GGCX: variants seen among roughly 807,000 people sequenced by gnomAD.
The protein encoded by GGCX is vitamin K-dependent gamma-carboxylase.
In GGCX, 63 loss-of-function variants were observed where a neutral mutation model predicts 88.5. That is an observed-to-expected ratio of 0.71 (90% confidence interval 0.58 to 0.88). The LOEUF is 0.88. GGCX is among the 40% of genes least tolerant of loss of function. The probability of loss-of-function intolerance (pLI) is 0.00; values close to 1 mark genes in which losing one functional copy is unlikely to be tolerated. For synonymous variants in GGCX, 368 were observed against 365.8 expected, an observed-to-expected ratio of 1.01 and a Z score of -0.07; for missense variants, 805 against 932.9, an observed-to-expected ratio of 0.86 and a Z score of 1.79.
In GGCX at chr2:85,550,733, G is replaced by C. The variant is rs61733105; in HGVS notation, c.1906C>G (p.Pro636Ala). The C allele has an allele frequency of 7.4e-6, 12 of 1,613,810 alleles. No individual in the cohort carries two copies. The highest frequency in any genetic ancestry group is 3.3e-5 in the Admixed American group (2 of 59,994). The stretch of plus-strand genomic sequence containing the variant: ...CCTTCCAACAGAGGCTGCAGCTCTG[G>C]GGGTAGAGGCCCTGTTTCTGCCCGG... Reference protein sequence around the residue: ...ENGSETGPLPPELQPLLEGEV... With the variant: ...ENGSETGPLPAELQPLLEGEV... The change falls in exon 14 of 15, where the codon CCA (proline) becomes GCA (alanine). Residue 636 changes from proline to alanine, a missense_variant. Physicochemically the swap from Pro to Ala is conservative, Grantham distance 27. This residue lies in a region of GGCX where 680 missense variants were observed against 763.7 expected (regional missense o/e 0.89). Coordinates refer to ENST00000233838, the MANE Select transcript of GGCX (RefSeq NM_000821.7).
At position 85,545,879 on chromosome 2, in the gene GGCX, CAG is replaced by C. The variant is rs1285545258; in HGVS notation, c.*4053_*4054del. 6.6e-6 allele frequency: 1 copy of C among 152,160 alleles called. No individual in the cohort carries two copies. Among genetic ancestry groups the C allele is most frequent in the Non-Finnish European group, 1.5e-5 (1 of 68,042 alleles). 9.4% of individuals were successfully genotyped at this position (152,160 alleles called of 1,614,324 possible). On this transcript the variant is annotated 3_prime_UTR_variant, in exon 15 of 15. Transcript: ENST00000233838. The stretch of plus-strand genomic sequence containing the variant: ...AACGTGATTTCTAGTCAATATCTTG[CAG>C]AGATAAATAATGCAAATTAGCTGAA...
rs755262966 is a variant in GGCX, at chr2:85,554,158, G to A, written c.874C>T (p.Gln292Ter). ...AGGTACTGACCAATGCTGAAAAGCTGGGAATTCATGCAGTGGAAGTAGGAC... is the reference window on the plus strand; with the variant it reads ...AGGTACTGACCAATGCTGAAAAGCTAGGAATTCATGCAGTGGAAGTAGGAC... ...FVSYFHCMNS[Q>*]LFSIGMFSYV... Residue 292 changes from glutamine (Q) to a stop codon, truncating the protein, a stop_gained, in exon 7 of 15, where the codon CAG becomes TAG. Transcript: ENST00000233838. LOFTEE classifies it high-confidence loss of function. 6.2e-7 allele frequency: 1 copy of A among 1,612,780 alleles called. No homozygotes were observed. Among genetic ancestry groups the A allele is most frequent in the Non-Finnish European group, 8.5e-7 (1 of 1,178,788 alleles).
rs1368072629 is a variant in GGCX at position 85,545,283 on chromosome 2, GTGTC to G, written c.*4647_*4650del. On this transcript the variant is annotated 3_prime_UTR_variant, in exon 15 of 15. Coordinates refer to ENST00000233838, the MANE Select transcript of GGCX (RefSeq NM_000821.7). ...TAAAATGCTAGGTTCTACCTTAACT[GTGTC>G]TGTTACTCATTTGTTAAAGTGCTTT... 1 of 152,594 alleles carries G rather than the reference GTGTC, an allele frequency of 6.6e-6. No individual in the cohort carries two copies. The highest frequency in any genetic ancestry group is 2.4e-5 in the African/African-American group (1 of 41,420). 9.5% of individuals were successfully genotyped at this position (152,594 alleles called of 1,614,324 possible).
chr2:85,561,320 G>A (rs1210339237), intron 1 of GGCX, 66 bp downstream of exon 1: 11 of 388,528 alleles, frequency 2.8e-5, no homozygotes, highest in Non-Finnish European at 4.6e-5. Context: ...GCGTCCTCCC[G>A]CCCCCGCCCC....
chr2:85,554,106 T>C (rs1692098321), intron 7 of GGCX, 37 bp downstream of exon 7: 3 of 1,552,718 alleles, frequency 1.9e-6, no homozygotes, highest in East Asian at 2.2e-5. Flanking sequence ...CCTGCAAAAC[T>C]GTGGTTCCTG....
chr2:85,545,980 C>T lies in GGCX; in HGVS notation c.*3954G>A, dbSNP rs1447125532. 2.0e-5 allele frequency: 3 copies of T among 152,172 alleles called. No individual in the cohort carries two copies. The highest frequency in any genetic ancestry group is 3.2e-3 in the Middle Eastern group (1 of 316). The allele number at this position is 152,172 out of a possible 1,614,324, so 9.4% of individuals were successfully genotyped here. A position where few individuals can be genotyped will look rare whatever the true frequency, so the allele number is the denominator to read the frequency against. On this transcript the variant is annotated 3_prime_UTR_variant, in exon 15 of 15. Coordinates refer to ENST00000233838, the MANE Select transcript of GGCX (RefSeq NM_000821.7). ...TAGAAAATCCGCAGACCACACTGCTCTTGAACCTAGGAGCTACATGCATAG... is the reference window on the plus strand; with the variant it reads ...TAGAAAATCCGCAGACCACACTGCTTTTGAACCTAGGAGCTACATGCATAG...
rs1691695282 is a variant in GGCX, at chr2:85,546,919, T to TC, written c.*3014dup. The TC allele has an allele frequency of 6.6e-6, 1 of 152,212 alleles. No individual in the cohort carries two copies. Among genetic ancestry groups the TC allele is most frequent in the South Asian group, 2.1e-4 (1 of 4,830 alleles). The allele number at this position is 152,212 out of a possible 1,614,324, so 9.4% of individuals were successfully genotyped here. ...AGGGGAATGAGCATGGATAGGTGCC[T>TC]CCAAGTTGGTAGAATAGCATGAGAA... On this transcript the variant is annotated 3_prime_UTR_variant, in exon 15 of 15. Transcript: ENST00000233838.
chr2:85,555,326 A>C, intron 6 of GGCX, 158 bp downstream of exon 6: 1 of 616,152 alleles, frequency 1.6e-6, no homozygotes, highest in Non-Finnish European at 3.0e-6. Context: ...ATCTTTTGAT[A>C]CCACTGACTC....
In GGCX at chr2:85,553,032, G is replaced by C. The variant is rs1211648661; in HGVS notation, c.1194C>G (p.Ser398=). Reference sequence around the variant, plus strand: ...AGCGGGAGTGCACCATCATGTCCCAGGAATAGCCATACAGCCCATTTGTCC... The same window carrying C: ...AGCGGGAGTGCACCATCATGTCCCACGAATAGCCATACAGCCCATTTGTCC... ...NNWTNGLYGY[S]WDMMVHSRSH... Residue 398 remains serine (S), a synonymous_variant, in exon 9 of 15, where the codon TCC becomes TCG. Transcript: ENST00000233838. 1.2e-6 allele frequency: 2 copies of C among 1,614,118 alleles called. No homozygotes were observed.
intron 14 of GGCX, 76 bp downstream of exon 14, chr2:85,550,479 G>C (rs889111288): frequency 1.6e-5 from 17 of 1,034,576 alleles, no homozygotes; most frequent in Non-Finnish European, 2.1e-5. Context: ...ACAGTCTCTA[G>C]AGTTACTCTC....
chr2:85,559,215 T>TGA, intron 2 of GGCX, 140 bp from the exon 3 acceptor site: 1 of 754,026 alleles, frequency 1.3e-6, no homozygotes, highest in Non-Finnish European at 2.3e-6. Context: ...CAGTATTAAT[T>TGA]ATTGAGTGCC....
At chr2:85,553,577 C>T (rs1039979983) in intron 7 of GGCX, 80 bp from the exon 8 acceptor site, 35 of 1,350,320 alleles carry the variant, frequency 2.6e-5, no homozygotes, top group African/African-American at 4.3e-5. Context: ...AGACTTCTCC[C>T]AGGTGTTCCA....
rs1392320123 is a variant in GGCX, at chr2:85,559,002, C to T, written c.288G>A (p.Leu96=). 2 of 1,613,654 alleles carry T rather than the reference C, an allele frequency of 1.2e-6. No homozygotes were observed. The highest frequency in any genetic ancestry group is 1.1e-5 in the South Asian group (1 of 91,066). ...SSLDRKYLDG[L]DVCRFPLLDA... is the part of the protein sequence containing the mutation. ...CCAGCAAGGGGAAGCGGCACACATCCAGCCCATCAAGGTATTTCCGGTCCA... is the reference window on the plus strand; with the variant it reads ...CCAGCAAGGGGAAGCGGCACACATCTAGCCCATCAAGGTATTTCCGGTCCA... The change falls in exon 3 of 15, where the codon CTG becomes CTA. Residue 96 remains leucine (L), a synonymous_variant. Coordinates refer to ENST00000233838, the MANE Select transcript of GGCX (RefSeq NM_000821.7).
chr2:85,551,239 T>C (rs1336299211), intron 12 of GGCX, among the ~76,000 whole-genome samples, 167 bp from the exon 13 acceptor site: 1 of 152,238 alleles, frequency 6.6e-6, no homozygotes, highest in Non-Finnish European at 1.5e-5. Flanking sequence ...CAGGGGCCCT[T>C]GTTTTTTGAG....
At chr2:85,561,325 C>T in intron 1 of GGCX, 61 bp downstream of exon 1, 2 of 1,138,448 alleles carry the variant, frequency 1.8e-6, no homozygotes, top group African/African-American at 1.5e-5. Flanking sequence ...CTCCCGCCCC[C>T]GCCCCTCTGA....
intron 8 of GGCX, 72 bp from the exon 9 acceptor site, chr2:85,553,142 C>A: frequency 6.2e-7 from 1 of 1,610,150 alleles, no homozygotes; most frequent in Admixed American, 1.7e-5. Context: ...CAAGAAGGGG[C>A]TGCAAAACCA....
At chr2:85,555,135 C>T (rs949232140) in intron 6 of GGCX, 1 of 259,320 alleles carries the variant, frequency 3.9e-6, no homozygotes, top group African/African-American at 2.2e-5. Context: ...ACATCAGCTG[C>T]AGGGCTCTGA....
rs1350817190 is a variant in GGCX, at chr2:85,545,773, A to G, written c.*4161T>C. On this transcript the variant is annotated 3_prime_UTR_variant, in exon 15 of 15. Transcript: ENST00000233838. The stretch of plus-strand genomic sequence containing the variant: ...TGTCTATCTAAAGTCCTGGCAATTT[A>G]AGCCTATTAATCTGCATACATTTTT... 5 of 150,304 alleles carry G rather than the reference A, an allele frequency of 3.3e-5. No individual in the cohort carries two copies. Among genetic ancestry groups the G allele is most frequent in the African/African-American group, 1.3e-4 (5 of 39,614 alleles). The allele number at this position is 150,304 out of a possible 1,614,324, so 9.3% of individuals were successfully genotyped here.
chr2:85,560,090 T>G (rs554852866), intron 2 of GGCX, among the ~76,000 whole-genome samples: 3 of 152,316 alleles, frequency 2.0e-5, no homozygotes, highest in African/African-American at 7.2e-5. Context: ...TGAGAACTAC[T>G]GGGCTAAGGG....
Sources: gnomAD v4.1 joint callset for allele counts (sites outside exome capture counted in the v4.1 genomes callset) on GRCh38, gnomAD v4.1.1 for gene constraint, gnomAD v4.1.1 regional missense constraint, MANE v1.5 for transcripts, NCBI Gene and HGNC (gene_info 2026-07-23, HGNC 2026-07-21) for gene names.